Variants in ABHD12 observed in about 807,000 individuals in gnomAD.
ABHD12 encodes abhydrolase domain containing 12, lysophospholipase.
ABHD12 carries 43 observed loss-of-function variants against 58.3 expected under a neutral mutation model. That is an observed-to-expected ratio of 0.74 (90% CI 0.58 to 0.95). ABHD12 has a LOEUF of 0.95. Among genes scored for constraint, ABHD12 ranks in the 40% least tolerant of loss-of-function variants. The pLI, the probability that ABHD12 is intolerant of heterozygous loss-of-function variation, is 0.00. For missense variants in ABHD12, 539 were observed against 537.2 expected (o/e 1.00, Z -0.03); for synonymous variants, 219 against 211.2 (o/e 1.04, Z -0.32).
At chr20:25,368,077 G>A (rs574617483) in intron 1 of ABHD12, among the ~76,000 whole-genome samples, 2 of 152,098 alleles carry the variant, frequency 1.3e-5, no homozygotes, top group African/African-American at 4.8e-5. Flanking sequence ...TTGTTATTTT[G>A]TTTTTATTCA....
chr20:25,359,372 C>T (rs1214123484), intron 1 of ABHD12, among the ~76,000 whole-genome samples: 14 of 134,216 alleles, frequency 1.0e-4, no homozygotes, highest in African/African-American at 3.6e-4. Context: ...TGCAGTGAGC[C>T]GAGATTGCGC....
downstream of ABHD12, among the ~76,000 whole-genome samples, chr20:25,299,749 G>T (rs999409450): frequency 2.0e-5 from 3 of 152,188 alleles, no homozygotes; most frequent in African/African-American, 7.2e-5. Flanking sequence ...CCTGGGGCAG[G>T]TGGTGTCTCT....
chr20:25,387,633 C>T (rs1333988969), intron 1 of ABHD12, among the ~76,000 whole-genome samples: 1 of 145,474 alleles, frequency 6.9e-6, no homozygotes, highest in African/African-American at 2.6e-5. Context: ...TGGCATACAC[C>T]CAGCATCGAT....
chr20:25,306,481 T>C (rs184202016), intron 10 of ABHD12, among the ~76,000 whole-genome samples: 1 of 152,238 alleles, frequency 6.6e-6, no homozygotes, highest in Admixed American at 6.5e-5. Flanking sequence ...CAGGCTCAGG[T>C]GATCCTCCTA....
At chr20:25,296,664 G>A (rs910320630), downstream of ABHD12, 1 of 1,178,296 alleles carries the variant, frequency 8.5e-7, no homozygotes, top group African/African-American at 1.5e-5. Context: ...ATGGGGGTCA[G>A]GGTGGTTTTG....
intron 2 of ABHD12, among the ~76,000 whole-genome samples, chr20:25,332,394 C>T (rs1481085526): frequency 4.6e-5 from 7 of 152,120 alleles, no homozygotes; most frequent in Admixed American, 2.6e-4. Flanking sequence ...TTAGACAGAT[C>T]AACGAGACAG....
intron 1 of ABHD12, among the ~76,000 whole-genome samples, chr20:25,373,083 CA>C (rs763997759): frequency 9.2e-5 from 14 of 152,300 alleles, no homozygotes; most frequent in Non-Finnish European, 2.1e-4. Flanking sequence ...TAGGCCTTAC[CA>C]CATAGCCCAG....
chr20:25,371,263 G>A (rs2089896683), intron 1 of ABHD12, among the ~76,000 whole-genome samples: 1 of 152,122 alleles, frequency 6.6e-6, no homozygotes, highest in African/African-American at 2.4e-5. Context: ...TTGGGGTGTG[G>A]GACACTGGTA....
chr20:25,298,466 G>A (rs2088585485), downstream of ABHD12, among the ~76,000 whole-genome samples: 1 of 152,046 alleles, frequency 6.6e-6, no homozygotes. Flanking sequence ...TGTTGGCCAG[G>A]CTGGTCTCAA....
intron 10 of ABHD12, 30 bp from the exon 11 acceptor site, chr20:25,303,658 A>G: frequency 6.2e-7 from 1 of 1,612,680 alleles, no homozygotes; most frequent in Non-Finnish European, 8.5e-7. Context: ...CTAGACCAAG[A>G]CCAGGGAAAG....
chr20:25,370,228 C>G (rs1182358570), intron 1 of ABHD12, among the ~76,000 whole-genome samples: 1 of 152,164 alleles, frequency 6.6e-6, no homozygotes, highest in Non-Finnish European at 1.5e-5. Context: ...CTGGGGTACA[C>G]AGGTCTCCCT....
Position 25,363,221 on chromosome 20 carries a change from CTTTTTTT to C in ABHD12, c.192-23877_192-23871del, listed in dbSNP as rs541419840. On this transcript the variant is annotated intron_variant, in intron 1 of 12. Transcript: ENST00000339157. Reference sequence around the variant, plus strand: ...AGTAAATAAAATGATTGACATTTTACTTTTTTTTTTTTTTTTTTGAGACAGTCTCGCT... The same window carrying C: ...AGTAAATAAAATGATTGACATTTTACTTTTTTTTTTTGAGACAGTCTCGCT... Among the ~76,000 whole-genome samples, 33 of 133,500 alleles carry C rather than the reference CTTTTTTT, an allele frequency of 2.5e-4. 1 individual carries two copies. Among genetic ancestry groups the C allele is most frequent in the East Asian group, 2.2e-4 (1 of 4,570 alleles). 87.6% of individuals were successfully genotyped at this position (133,500 alleles called of 152,430 possible).
chr20:25,299,256 G>C (rs568830329), downstream of ABHD12, among the ~76,000 whole-genome samples: 20 of 152,224 alleles, frequency 1.3e-4, no homozygotes, highest in African/African-American at 4.8e-4. Context: ...AATTAGCTGG[G>C]CGTGGTGGCA....
chr20:25,323,433 G>T lies in ABHD12; in HGVS notation c.317-3C>A, dbSNP rs781491711. 1.9e-6 allele frequency: 3 copies of T among 1,577,292 alleles called. No individual in the cohort carries two copies. Reference sequence around the variant, plus strand: ...ATCAATGAAATAGGGAACTCTTACTGTAGGAAATAAAGAGATGGAAATTAG... The same window carrying T: ...ATCAATGAAATAGGGAACTCTTACTTTAGGAAATAAAGAGATGGAAATTAG... On this transcript the variant is annotated splice_region_variant and splice_polypyrimidine_tract_variant and intron_variant, in intron 2 of 12. Coordinates refer to ENST00000339157, the MANE Select transcript of ABHD12 (RefSeq NM_001042472.3).
intron 1 of ABHD12, among the ~76,000 whole-genome samples, chr20:25,385,027 T>C (rs2090070321): frequency 6.6e-6 from 1 of 152,140 alleles, no homozygotes; most frequent in Non-Finnish European, 1.5e-5. Flanking sequence ...GATATATTAC[T>C]GACTAGCCTA....
chr20:25,339,706 A>T, intron 1 of ABHD12: 1 of 1,370,888 alleles, frequency 7.3e-7, no homozygotes, highest in Non-Finnish European at 9.8e-7. Context: ...TCGTATCAGG[A>T]AAGAGCGGCC....
At chr20:25,380,170 A>T (rs1228796181) in intron 1 of ABHD12, among the ~76,000 whole-genome samples, 1 of 152,030 alleles carries the variant, frequency 6.6e-6, no homozygotes, top group Non-Finnish European at 1.5e-5. Flanking sequence ...TGTGGTTTTC[A>T]TCTTTAGAAA....
At chr20:25,359,317 G>A (rs899929947) in intron 1 of ABHD12, among the ~76,000 whole-genome samples, 2 of 149,466 alleles carry the variant, frequency 1.3e-5, no homozygotes, top group Admixed American at 6.6e-5. Flanking sequence ...CCAGCTACTC[G>A]GGAGGCTGAG....
chr20:25,308,071 A>C (rs778280791), intron 8 of ABHD12, 26 bp from the exon 9 acceptor site: 2 of 1,489,152 alleles, frequency 1.3e-6, no homozygotes, highest in South Asian at 2.3e-5. Flanking sequence ...GGGAACTGAG[A>C]GGTAGGCAGG....
Sources: allele counts gnomAD v4.1 joint callset (sites outside exome capture counted in the v4.1 genomes callset), GRCh38; gene constraint gnomAD v4.1.1; transcripts MANE v1.5; gene names NCBI Gene and HGNC (gene_info 2026-07-23, HGNC 2026-07-21).